The following ARHGAP32 variants were observed in gnomAD, a reference collection of about 807,000 sequenced individuals.
ARHGAP32 encodes the protein rho GTPase-activating protein 32.
Under a neutral mutation model 186.5 loss-of-function variants are expected in ARHGAP32, and 51 were observed. That is an observed-to-expected ratio of 0.27 (90% confidence interval 0.22 to 0.35). The LOEUF (loss-of-function observed/expected upper bound fraction) is 0.35, where lower values mean the gene tolerates loss of function less well. ARHGAP32 is among the 10% of genes least tolerant of loss of function. ARHGAP32 has a pLI of 1.00. For synonymous variants in ARHGAP32, 950 were observed against 964.3 expected (o/e 0.99, Z 0.27); for missense variants, 2,186 against 2,623.5 (o/e 0.83, Z 3.64).
chr11:129,000,149 ATAGTCCAT>A (rs1476957354), intron 11 of ARHGAP32, among the ~76,000 whole-genome samples: 2 of 152,214 alleles, frequency 1.3e-5, no homozygotes, highest in African/African-American at 4.8e-5. Flanking sequence ...CAAGCATCAG[ATAGTCCAT>A]TAACATTCGT....
intron 1 of ARHGAP32, among the ~76,000 whole-genome samples, chr11:129,165,745 C>A (rs1417233455): frequency 6.6e-6 from 1 of 150,712 alleles, no homozygotes; most frequent in African/African-American, 2.4e-5. Flanking sequence ...TCACCCCTAG[C>A]CTAGTAATAA....
intron 1 of ARHGAP32, among the ~76,000 whole-genome samples, chr11:129,252,872 T>G (rs1046872117): frequency 6.6e-6 from 1 of 152,178 alleles, no homozygotes; most frequent in African/African-American, 2.4e-5. Context: ...GACTAAACAT[T>G]AAACTCACTA....
intron 6 of ARHGAP32, among the ~76,000 whole-genome samples, chr11:129,073,496 G>A (rs1940934822): frequency 6.6e-6 from 1 of 152,080 alleles, no homozygotes; most frequent in Non-Finnish European, 1.5e-5. Flanking sequence ...GAAAGAATTG[G>A]AGCTTGAGGG....
chr11:128,969,993 T>C lies in ARHGAP32; in HGVS notation c.5220A>G (p.Val1740=), dbSNP rs1353300678. ...TGYFSPNDHN[V]VSMPPAADVK... ...CATCAGCAGCCGGAGGCATGCTGAC[T>C]ACATTATGGTCGTTGGGAGAGAAAT... Residue 1740 remains valine, a synonymous_variant, in exon 23 of 23, where the codon GTA becomes GTG. Transcript: ENST00000682385. The surrounding 1 kb of genome is among the most constrained non-coding windows in gnomAD (Gnocchi z 4.8). 7 of 1,614,200 alleles carry C rather than the reference T, an allele frequency of 4.3e-6. No homozygotes were observed. The highest frequency in any genetic ancestry group is 5.9e-6 in the Non-Finnish European group (7 of 1,180,026).
In ARHGAP32 at chr11:129,272,826, A is replaced by G. The variant is rs938442780; in HGVS notation, c.-5+6320T>C. Reference sequence around the variant, plus strand: ...AACAAGCTCACTTTGGTCTCTTGTCACTTCTCGCACGCTTTATTTTTCAGA... The same window carrying G: ...AACAAGCTCACTTTGGTCTCTTGTCGCTTCTCGCACGCTTTATTTTTCAGA... On this transcript the variant is annotated intron_variant, in intron 1 of 6. Coordinates refer to the ARHGAP32 transcript ENST00000525234. Among the ~76,000 whole-genome samples the G allele has an allele frequency of 5.1e-4, 78 of 152,250 alleles. 1 individual carries two copies. The highest frequency in any genetic ancestry group is 1.3e-4 in the Non-Finnish European group (9 of 68,046).
At chr11:129,057,173 C>G (rs1010217707) in intron 10 of ARHGAP32, among the ~76,000 whole-genome samples, 1 of 152,094 alleles carries the variant, frequency 6.6e-6, no homozygotes. Context: ...GACATCCTCT[C>G]GGCAGAAGAC....
intron 10 of ARHGAP32, 91 bp downstream of exon 10, chr11:129,062,189 G>C (rs1026323691): frequency 3.8e-6 from 4 of 1,042,732 alleles, no homozygotes; most frequent in Non-Finnish European, 5.9e-6. Context: ...TGATGACAAA[G>C]TCCATTACCA....
intron 2 of ARHGAP32, chr11:129,126,110 T>G (rs1237059303): frequency 7.9e-6 from 2 of 251,602 alleles, no homozygotes; most frequent in African/African-American, 4.6e-5. Context: ...AGAAAAAAAT[T>G]TTAAGACTAA....
At chr11:129,218,370 G>A (rs573209327) in intron 1 of ARHGAP32, among the ~76,000 whole-genome samples, 18 of 152,016 alleles carry the variant, frequency 1.2e-4, no homozygotes, top group Non-Finnish European at 1.8e-4. Flanking sequence ...AACTCTCCAC[G>A]TTTATCAAGC....
intron 11 of ARHGAP32, among the ~76,000 whole-genome samples, chr11:129,018,629 C>T (rs1467433848): frequency 6.6e-6 from 1 of 152,146 alleles, no homozygotes; most frequent in Non-Finnish European, 1.5e-5. Context: ...ATGAATCTTA[C>T]TCAGTCTATA....
chr11:129,019,339 T>G (rs953366876), intron 11 of ARHGAP32, among the ~76,000 whole-genome samples: 4 of 152,226 alleles, frequency 2.6e-5, no homozygotes, highest in African/African-American at 9.6e-5. Flanking sequence ...TATTGAGTGC[T>G]TACTATTTTA....
chr11:129,069,262 C>T (rs1940794380), intron 6 of ARHGAP32, among the ~76,000 whole-genome samples: 1 of 152,026 alleles, frequency 6.6e-6, no homozygotes, highest in South Asian at 2.1e-4. Flanking sequence ...TAGCTTGGCT[C>T]TAGGACCACA....
At chr11:129,079,762 T>C (rs1023163888) in intron 6 of ARHGAP32, among the ~76,000 whole-genome samples, 3 of 152,132 alleles carry the variant, frequency 2.0e-5, no homozygotes, top group East Asian at 1.9e-4. Context: ...TCAATACTAA[T>C]GTTGACTGTA....
At chr11:129,117,745 T>G (rs935458053) in intron 5 of ARHGAP32, among the ~76,000 whole-genome samples, 2 of 151,460 alleles carry the variant, frequency 1.3e-5, no homozygotes, top group Non-Finnish European at 2.9e-5. Context: ...ATAAAGAAAA[T>G]ACAAATCAAA....
In ARHGAP32 at chr11:129,263,474, T is replaced by C. The variant is rs375048054; in HGVS notation, c.-5+15672A>G. Among the ~76,000 whole-genome samples, 191 of 151,588 alleles carry C rather than the reference T, an allele frequency of 1.3e-3. 1 individual carries two copies. Among genetic ancestry groups the C allele is most frequent in the African/African-American group, 4.2e-3 (175 of 41,298 alleles). On this transcript the variant is annotated intron_variant, in intron 1 of 6. Coordinates refer to the ARHGAP32 transcript ENST00000525234. ...AGTGGCCAACAAGCATATGAAAAAA[T>C]GCTCACCATCACTATCATTAGGGAA...
chr11:129,073,198 A>C (rs1214950302), intron 6 of ARHGAP32, among the ~76,000 whole-genome samples: 1 of 152,210 alleles, frequency 6.6e-6, no homozygotes, highest in Admixed American at 6.5e-5. Context: ...GTCCACCTTC[A>C]ACAAAAAATC....
chr11:129,236,687 T>C (rs980477764), intron 1 of ARHGAP32, among the ~76,000 whole-genome samples: 18 of 152,200 alleles, frequency 1.2e-4, no homozygotes, highest in African/African-American at 4.3e-4. Context: ...TACAATCACA[T>C]ATCATCAGCT....
chr11:129,010,902 C>A (rs2134824194), intron 11 of ARHGAP32, among the ~76,000 whole-genome samples: 1 of 152,266 alleles, frequency 6.6e-6, no homozygotes, highest in East Asian at 1.9e-4. Context: ...TTGGTAACTG[C>A]ATATGATGTA....
At chr11:129,029,820 A>AAAC (rs1939032870) in intron 11 of ARHGAP32, among the ~76,000 whole-genome samples, 1 of 150,588 alleles carries the variant, frequency 6.6e-6, no homozygotes, top group Non-Finnish European at 1.5e-5. Context: ...AAAAAAAAAA[A>AAAC]AAAAAACGGG....
Sources: gnomAD v4.1 joint callset for allele counts (sites outside exome capture counted in the v4.1 genomes callset) on GRCh38, gnomAD v4.1.1 for gene constraint, Gnocchi (gnomAD v3.1) non-coding constraint, MANE v1.5 for transcripts, NCBI Gene and HGNC (gene_info 2026-07-23, HGNC 2026-07-21) for gene names.